PRH1: variants seen among roughly 807,000 people sequenced by gnomAD.
The protein encoded by PRH1 is proline rich protein HaeIII subfamily 1.
Under a neutral mutation model 7.9 loss-of-function variants are expected in PRH1, and 7 were observed. That is an observed-to-expected ratio of 0.89 (90% CI 0.50 to 1.67). PRH1 has a LOEUF of 1.67. PRH1 is among the 40% of genes most tolerant of loss of function. The probability of loss-of-function intolerance (pLI) is 0.00; values close to 1 mark genes in which losing one functional copy is unlikely to be tolerated. For synonymous variants in PRH1, 45 were observed against 80.8 expected (o/e 0.56, Z 2.38); for missense variants, 109 against 223.6 (o/e 0.49, Z 3.27).
At chr12:11,037,429 C>T (rs1164659104) in intron 1 of PRH1, among the ~76,000 whole-genome samples, 1 of 152,136 alleles carries the variant, frequency 6.6e-6, no homozygotes, top group African/African-American at 2.4e-5. Flanking sequence ...TTTATAGTAA[C>T]AAAATATTTA....
chr12:10,951,505 T>A (rs1051783745), intron 2 of PRH1, among the ~76,000 whole-genome samples: 2 of 152,260 alleles, frequency 1.3e-5, no homozygotes, highest in Non-Finnish European at 2.9e-5. Flanking sequence ...CCCACATGAA[T>A]GGGAATAGTT....
At chr12:10,908,202 T>C (rs767706060) in intron 2 of PRH1, 69 of 509,962 alleles carry the variant, frequency 1.4e-4, no homozygotes, top group Non-Finnish European at 2.1e-4. Context: ...ATACATGTCA[T>C]AAATACATAA....
chr12:10,970,651 G>A (rs965086608), intron 2 of PRH1, among the ~76,000 whole-genome samples: 7 of 150,814 alleles, frequency 4.6e-5, no homozygotes, highest in East Asian at 1.9e-4. Flanking sequence ...TACAACCTCC[G>A]CCTCCCAGGT....
At chr12:10,930,367 C>T (rs1462905758) in intron 2 of PRH1, 3 of 1,563,582 alleles carry the variant, frequency 1.9e-6, no homozygotes, top group African/African-American at 1.4e-5. Flanking sequence ...TTGATCAGTT[C>T]TCCAGTGTCT....
At chr12:10,904,921 A>C (rs1466063068) in intron 2 of PRH1, among the ~76,000 whole-genome samples, 1 of 152,166 alleles carries the variant, frequency 6.6e-6, no homozygotes, top group Admixed American at 6.5e-5. Flanking sequence ...AATATTTTAA[A>C]AGGCTCAACA....
At chr12:10,995,061 C>T (rs11054140) in intron 1 of PRH1, among the ~76,000 whole-genome samples, 43,977 of 151,932 alleles carry the variant, frequency 0.29, 8,218 homozygotes, top group East Asian at 0.74. Context: ...CTGAGAAATT[C>T]TTCTTCTTCT....
intron 1 of PRH1, chr12:11,092,130 C>G (rs1944936236): frequency 1.4e-6 from 2 of 1,430,340 alleles, no homozygotes; most frequent in Non-Finnish European, 2.0e-6. Flanking sequence ...TTGAACCACT[C>G]AATGGAATTT....
At chr12:10,931,084 T>G (rs113678796) in intron 2 of PRH1, 4 of 1,530,428 alleles carry the variant, frequency 2.6e-6, no homozygotes, top group Non-Finnish European at 3.5e-6. Context: ...ATGATAGGTA[T>G]GATTCCAGTT....
intron 1 of PRH1, among the ~76,000 whole-genome samples, chr12:11,107,050 C>A (rs371836770): frequency 1.8e-4 from 27 of 152,204 alleles, no homozygotes; most frequent in Middle Eastern, 3.4e-3. Flanking sequence ...TTACTCGTCA[C>A]CCAGGCTGGA....
At chr12:11,150,826 T>C (rs1947059008) in intron 1 of PRH1, among the ~76,000 whole-genome samples, 1 of 152,078 alleles carries the variant, frequency 6.6e-6, no homozygotes, top group Non-Finnish European at 1.5e-5. Flanking sequence ...ATAATAATAA[T>C]GAAAAAAGAT....
At chr12:10,942,423 G>A (rs979901874) in intron 2 of PRH1, among the ~76,000 whole-genome samples, 1 of 152,110 alleles carries the variant, frequency 6.6e-6, no homozygotes, top group African/African-American at 2.4e-5. Context: ...AGGTTTCCAG[G>A]TTAATGGAGT....
chr12:10,931,184 T>G, intron 2 of PRH1: 1 of 1,543,746 alleles, frequency 6.5e-7, no homozygotes, highest in Non-Finnish European at 8.7e-7. Context: ...TTCCGTGTCC[T>G]GGAACACATT....
chr12:10,974,400 C>T (rs900446073), intron 1 of PRH1, among the ~76,000 whole-genome samples: 1 of 152,156 alleles, frequency 6.6e-6, no homozygotes, highest in African/African-American at 2.4e-5. Context: ...TCGTAACCAG[C>T]AATCCAGGAA....
chr12:10,949,615 T>C (rs1485845131), intron 2 of PRH1, among the ~76,000 whole-genome samples: 2 of 152,216 alleles, frequency 1.3e-5, no homozygotes, highest in Non-Finnish European at 2.9e-5. Context: ...TATGCACATA[T>C]GTAGTTTTGG....
intron 2 of PRH1, among the ~76,000 whole-genome samples, chr12:10,931,856 G>C: frequency 6.6e-6 from 1 of 151,476 alleles, no homozygotes; most frequent in South Asian, 2.1e-4. Context: ...GCTATTGTTT[G>C]GTTTTTCCAT....
At chr12:11,045,746 C>T (rs1449776828) in intron 1 of PRH1, among the ~76,000 whole-genome samples, 1 of 152,062 alleles carries the variant, frequency 6.6e-6, no homozygotes, top group African/African-American at 2.4e-5. Flanking sequence ...TTTCTCTAGC[C>T]TATCAGCTTA....
intron 1 of PRH1, among the ~76,000 whole-genome samples, chr12:11,068,751 A>T (rs1211587028): frequency 6.6e-6 from 1 of 152,220 alleles, no homozygotes; most frequent in East Asian, 1.9e-4. Context: ...TTCTATAATA[A>T]TAATAATCCC....
intron 2 of PRH1, among the ~76,000 whole-genome samples, chr12:10,956,868 T>A (rs191286565): frequency 7.8e-4 from 118 of 151,914 alleles, no homozygotes; most frequent in Admixed American, 1.2e-3. Flanking sequence ...AGGTGAAATA[T>A]CTCTACAAAG....
At chr12:10,932,702 A>C (rs1331481492) in intron 2 of PRH1, among the ~76,000 whole-genome samples, 1 of 152,014 alleles carries the variant, frequency 6.6e-6, no homozygotes, top group Non-Finnish European at 1.5e-5. Context: ...AAGCCACTAG[A>C]CCTATTTTCC....
Sources: allele counts gnomAD v4.1 joint callset (sites outside exome capture counted in the v4.1 genomes callset), GRCh38; gene constraint gnomAD v4.1.1; transcripts MANE v1.5; gene names NCBI Gene and HGNC (gene_info 2026-07-23, HGNC 2026-07-21).